Variants in FIBP observed in about 807,000 individuals in gnomAD.
FIBP encodes FGF1 intracellular binding protein, also known as acidic fibroblast growth factor intracellular-binding protein.
FIBP carries 29 observed loss-of-function variants against 40.5 expected under a neutral mutation model. The ratio of observed to expected loss-of-function variants is 0.72; its 90% CI spans 0.53 to 0.98. The LOEUF (loss-of-function observed/expected upper bound fraction) is 0.98, where lower values mean the gene tolerates loss of function less well. FIBP is among the 50% of genes least tolerant of loss of function. The pLI, the probability that FIBP is intolerant of heterozygous loss-of-function variation, is 0.00. For synonymous variants in FIBP, 215 were observed against 191.1 expected, an observed-to-expected ratio of 1.13 and a Z score of -1.03; for missense variants, 411 against 470.2, an observed-to-expected ratio of 0.87 and a Z score of 1.16.
At position 65,884,025 on chromosome 11, in the gene FIBP, G is replaced by C; in HGVS notation, c.1023C>G (p.Asp341Glu). 6.2e-7 allele frequency: 1 copy of C among 1,613,786 alleles called. No homozygotes were observed. The highest frequency in any genetic ancestry group is 1.1e-5 in the South Asian group (1 of 90,932). Residue 341 changes from aspartate to glutamate, a missense_variant, in exon 10 of 10, where the codon GAC becomes GAG. Asp to Glu is a conservative substitution (Grantham distance 45). Coordinates refer to ENST00000357519, the MANE Select transcript of FIBP (RefSeq NM_004214.5). Reference protein sequence around the residue: ...LDGFRHQALWDRYMGTLRGCL... With the variant: ...LDGFRHQALWERYMGTLRGCL... ...AGCCGCGGAGGGTGCCCATGTAGCG[G>C]TCCCAGAGGGCCTGGTGTCTGTAAG...
rs1209487816 is a variant in FIBP at position 65,887,998 on chromosome 11, G to A, written c.220C>T (p.Pro74Ser). The A allele has an allele frequency of 6.2e-7, 1 of 1,613,500 alleles. No individual in the cohort carries two copies. The highest frequency in any genetic ancestry group is 1.1e-5 in the South Asian group (1 of 91,012). The change falls in exon 2 of 10, where the codon CCC becomes TCC. Residue 74 changes from proline to serine, a missense_variant. Pro to Ser is a moderately conservative substitution (Grantham distance 74). Coordinates refer to ENST00000357519, the MANE Select transcript of FIBP (RefSeq NM_004214.5). The part of the protein sequence containing the change: ...HMLERLLHAP[P>S]KLLHQLIFQI... The stretch of plus-strand genomic sequence containing the variant: ...AAGATGAGCTGGTGCAGTAGCTTGG[G>A]CGGCGCATGCAGCAGCCGCTCGAGC...
rs777536848 is a variant in FIBP at position 65,888,316 on chromosome 11, C to T, written c.85+18G>A. Reference sequence around the variant, plus strand: ...CAACCGCTCCGCCGACTGGCTTCCCCACACGCCCCTCACGGACCCGAGTAA... The same window carrying T: ...CAACCGCTCCGCCGACTGGCTTCCCTACACGCCCCTCACGGACCCGAGTAA... On this transcript the variant is annotated intron_variant, in intron 1 of 9. Coordinates refer to ENST00000357519, the MANE Select transcript of FIBP (RefSeq NM_004214.5). The T allele has an allele frequency of 1.9e-5, 29 of 1,548,034 alleles. No homozygotes were observed. The highest frequency in any genetic ancestry group is 3.5e-6 in the Non-Finnish European group (4 of 1,144,852).
intron 2 of FIBP, 95 bp downstream of exon 2, chr11:65,887,839 G>A: frequency 6.3e-7 from 1 of 1,588,762 alleles, no homozygotes; most frequent in East Asian, 2.2e-5. Context: ...TCTGATGGCT[G>A]GGTAAATCCC....
intron 5 of FIBP, 136 bp downstream of exon 5, chr11:65,885,394 G>A (rs1860209082): frequency 2.7e-6 from 3 of 1,114,038 alleles, no homozygotes; most frequent in African/African-American, 1.6e-5. Context: ...CATTCTATGG[G>A]CAGGGGGAGC....
chr11:65,885,685 C>T, intron 4 of FIBP, 22 bp from the exon 5 acceptor site: 1 of 1,576,148 alleles, frequency 6.3e-7, no homozygotes, highest in Admixed American at 1.9e-5. Context: ...AGAGGAGGGT[C>T]CTCTTAGGGC....
intron 4 of FIBP, 197 bp from the exon 5 acceptor site, chr11:65,885,860 G>T: frequency 1.7e-6 from 1 of 577,396 alleles, no homozygotes. Flanking sequence ...TTTACTAGTG[G>T]ATACAGTGGG....
chr11:65,884,581 G>A lies in FIBP; in HGVS notation c.895C>T (p.Leu299Phe). ...GCACGACAGCTCACCTTCTCCACGAGGTCCACAAACAGGTCTCTGACATCT... is the reference window on the plus strand; with the variant it reads ...GCACGACAGCTCACCTTCTCCACGAAGTCCACAAACAGGTCTCTGACATCT... ...NKDVRDLFVDLVEKFVEPCRS... is the reference protein window; with the variant it reads ...NKDVRDLFVDFVEKFVEPCRS... The change falls in exon 8 of 10, where the codon CTC becomes TTC. Residue 299 changes from leucine to phenylalanine, a missense_variant. Coordinates refer to ENST00000357519, the MANE Select transcript of FIBP (RefSeq NM_004214.5). The A allele has an allele frequency of 6.2e-7, 1 of 1,614,202 alleles. No individual in the cohort carries two copies. Among genetic ancestry groups the A allele is most frequent in the Non-Finnish European group, 8.5e-7 (1 of 1,180,044 alleles).
At position 65,888,010 on chromosome 11, in the gene FIBP, G is replaced by A. The variant is rs1250174683; in HGVS notation, c.208C>T (p.Leu70=). Residue 70 remains leucine (L), a synonymous_variant, in exon 2 of 10, where the codon CTG becomes TTG. Transcript: ENST00000357519. ...YRTFHMLERL[L]HAPPKLLHQL... is the part of the protein sequence containing the mutation. ...TGCAGTAGCTTGGGCGGCGCATGCA[G>A]CAGCCGCTCGAGCATGTGGAAGGTG... 6.2e-7 allele frequency: 1 copy of A among 1,612,702 alleles called. No homozygotes were observed. The highest frequency in any genetic ancestry group is 1.7e-5 in the Admixed American group (1 of 59,960).
In FIBP at chr11:65,884,444, G is replaced by A. The variant is rs375421545; in HGVS notation, c.952C>T (p.Arg318Trp). 6.2e-6 allele frequency: 10 copies of A among 1,614,170 alleles called. No homozygotes were observed. The highest frequency in any genetic ancestry group is 2.2e-5 in the East Asian group (1 of 44,892). ...GCTGAATACTGATTCAGGAAGAACC[G>A]CACGTCGCTGAGTGGCCAGTGGTCG... ...RSDHWPLSDV[R>W]FFLNQYSASV... Residue 318 changes from arginine (R) to tryptophan (W), a missense_variant, in exon 9 of 10, where the codon CGG becomes TGG. Arg to Trp is a moderately radical substitution (Grantham distance 101). Coordinates refer to ENST00000357519, the MANE Select transcript of FIBP (RefSeq NM_004214.5).
intron 8 of FIBP, 26 bp downstream of exon 8, chr11:65,884,544 G>A: frequency 6.2e-7 from 1 of 1,613,950 alleles, no homozygotes. Context: ...AGACCAGGTT[G>A]GGTGTCAGAG....
chr11:65,884,497 C>T lies in FIBP; in HGVS notation c.907-8G>A, dbSNP rs1462361031. ...GCGGCAGGGTTCCACAAACTGCGGGCCCAAGAGAATACTTAGCACTTGTAT... is the reference window on the plus strand; with the variant it reads ...GCGGCAGGGTTCCACAAACTGCGGGTCCAAGAGAATACTTAGCACTTGTAT... On this transcript the variant is annotated splice_region_variant and splice_polypyrimidine_tract_variant and intron_variant, in intron 8 of 9. Coordinates refer to ENST00000357519, the MANE Select transcript of FIBP (RefSeq NM_004214.5). 1.9e-6 allele frequency: 3 copies of T among 1,614,128 alleles called. No homozygotes were observed. The highest frequency in any genetic ancestry group is 1.1e-5 in the South Asian group (1 of 91,072).
intron 3 of FIBP, chr11:65,887,290 A>C: frequency 2.5e-6 from 1 of 393,188 alleles, no homozygotes; most frequent in Non-Finnish European, 4.8e-6. Context: ...TACTAACAAT[A>C]CAAAAATTAG....
intron 4 of FIBP, chr11:65,885,877 TA>T (rs1860222746): frequency 3.6e-6 from 2 of 552,306 alleles, no homozygotes; most frequent in Admixed American, 6.4e-5. Flanking sequence ...TGGGAGACCA[TA>T]AGGGTAACAG....
chr11:65,886,298 A>G (rs755727500), intron 4 of FIBP, 24 bp downstream of exon 4: 1 of 1,531,734 alleles, frequency 6.5e-7, no homozygotes, highest in South Asian at 1.1e-5. Flanking sequence ...AGTGTGCGGG[A>G]TGGGGAGGTG....
Position 65,888,338 on chromosome 11 carries a change from G to A in FIBP, c.81C>T (p.Tyr27=). 1.3e-6 allele frequency: 2 copies of A among 1,553,476 alleles called. No homozygotes were observed. Among genetic ancestry groups the A allele is most frequent in the Non-Finnish European group, 1.7e-6 (2 of 1,148,180 alleles). ...CCCCACACGCCCCTCACGGACCCGA[G>A]TAACCATCGAGCCAGAGGCGATACA... ...EDVYRLWLDG[Y]SVTDAVALRV... is the part of the protein sequence containing the mutation. The change falls in exon 1 of 10, where the codon TAC becomes TAT. Residue 27 remains tyrosine (Y), a synonymous_variant. Transcript: ENST00000357519.
intron 4 of FIBP, 55 bp downstream of exon 4, chr11:65,886,267 G>T: frequency 1.6e-6 from 2 of 1,244,162 alleles, no homozygotes; most frequent in Non-Finnish European, 2.4e-6. Context: ...GAAGGTGGAC[G>T]AGCCTCCGGG....
rs1485993660 is a variant in FIBP, at chr11:65,887,879, A to G, written c.284+55T>C. On this transcript the variant is annotated intron_variant, in intron 2 of 9. Transcript: ENST00000357519. ...CTCCCTGGGCCTGTTTCAGCCGGCA[A>G]AATGGGTATACAGTCAGACTGGTTG... 5.6e-6 allele frequency: 9 copies of G among 1,597,646 alleles called. No homozygotes were observed. In the Admixed American group the frequency reaches 8.6e-5, roughly 15 times the overall value.
chr11:65,885,244 A>C (rs959203362), intron 5 of FIBP, 58 bp from the exon 6 acceptor site: 2 of 1,308,754 alleles, frequency 1.5e-6, no homozygotes, highest in Non-Finnish European at 2.2e-6. Context: ...GTGATAGCCT[A>C]AGCCTTTCCT....
chr11:65,887,875 G>A (rs1211614914), intron 2 of FIBP, 59 bp downstream of exon 2: 2 of 1,594,132 alleles, frequency 1.3e-6, no homozygotes, highest in Non-Finnish European at 8.6e-7. Flanking sequence ...TGTTTCAGCC[G>A]GCAAAATGGG....
Sources: gnomAD v4.1 joint callset for allele counts on GRCh38, gnomAD v4.1.1 for gene constraint, MANE v1.5 for transcripts, NCBI Gene and HGNC (gene_info 2026-07-23, HGNC 2026-07-21) for gene names.